Variants in NDRG1 observed in about 807,000 individuals in gnomAD.
NDRG1 encodes the protein protein NDRG1.
Under a neutral mutation model 56.9 loss-of-function variants are expected in NDRG1, and 32 were observed. The ratio of observed to expected loss-of-function variants is 0.56; its 90% CI spans 0.42 to 0.76. NDRG1 has a LOEUF of 0.76. NDRG1 is among the 30% of genes least tolerant of loss of function. The pLI, the probability that NDRG1 is intolerant of heterozygous loss-of-function variation, is 0.00. For synonymous variants in NDRG1, 211 were observed against 204.1 expected (o/e 1.03, Z -0.29); for missense variants, 507 against 545.7 (o/e 0.93, Z 0.71).
At chr8:133,266,810 C>T (rs555652469) in intron 3 of NDRG1, among the ~76,000 whole-genome samples, 13 of 152,166 alleles carry the variant, frequency 8.5e-5, no homozygotes, top group South Asian at 2.1e-4. Context: ...GAAATGGCCC[C>T]GGGGGGCTGC....
chr8:133,282,836 C>T (rs1056384155), intron 2 of NDRG1, among the ~76,000 whole-genome samples: 1 of 152,160 alleles, frequency 6.6e-6, no homozygotes, highest in African/African-American at 2.4e-5. Context: ...GGTTTGCAGA[C>T]CTTAGTGTGG....
intron 14 of NDRG1, among the ~76,000 whole-genome samples, chr8:133,243,044 G>T (rs927603680): frequency 2.0e-5 from 3 of 152,202 alleles, no homozygotes; most frequent in African/African-American, 7.2e-5. Flanking sequence ...CGTGCAAGGC[G>T]TATCTGTTCT....
rs1330525860 is a variant in NDRG1, at chr8:133,239,146, G to C, written c.944-27C>G. 5.8e-6 allele frequency: 9 copies of C among 1,550,450 alleles called. No homozygotes were observed. The East Asian group carries it at 2.0e-4, about 34-fold the overall frequency. On this transcript the variant is annotated intron_variant, in intron 15 of 15. Coordinates refer to ENST00000323851, the MANE Select transcript of NDRG1 (RefSeq NM_006096.4). Reference sequence around the variant, plus strand: ...TAGGGGAACAAGAGACAGCCGGTTAGAGGGCAGGAGACTGCCAGGTGAGGA... The same window carrying C: ...TAGGGGAACAAGAGACAGCCGGTTACAGGGCAGGAGACTGCCAGGTGAGGA...
At chr8:133,265,045 C>T in intron 3 of NDRG1, 1 of 303,920 alleles carries the variant, frequency 3.3e-6, no homozygotes, top group South Asian at 3.2e-5. Flanking sequence ...CTAACATCTG[C>T]TGGCTTGGGG....
At position 133,250,461 on chromosome 8, in the gene NDRG1, A is replaced by G. The variant is rs758628839; in HGVS notation, c.677T>C (p.Leu226Pro). 3 of 1,614,086 alleles carry G rather than the reference A, an allele frequency of 1.9e-6. No homozygotes were observed. In the South Asian group the frequency reaches 3.3e-5, roughly 18 times the overall value. Residue 226 changes from leucine to proline, a missense_variant, in exon 10 of 16, where the codon CTG (leucine) becomes CCG (proline). By Grantham distance (98) the Leu-to-Pro change is moderately conservative (BLOSUM62 -3). Coordinates refer to ENST00000323851, the MANE Select transcript of NDRG1 (RefSeq NM_006096.4). ...VNDMNPGNLH[L>P]FINAYNSRRD... ...ATACCTGTTGTAGGCATTGATGAAC[A>G]GGTGCAGGTTGCCGGGGTTCATGTC...
intron 15 of NDRG1, chr8:133,241,748 G>A: frequency 1.8e-6 from 1 of 552,026 alleles, no homozygotes; most frequent in Middle Eastern, 4.5e-4. Flanking sequence ...CATTGTCTTG[G>A]TGCTTAAAGG....
intron 12 of NDRG1, 52 bp downstream of exon 12, chr8:133,247,823 C>T: frequency 1.3e-6 from 2 of 1,591,138 alleles, no homozygotes; most frequent in South Asian, 2.2e-5. Flanking sequence ...CAAAGTCAAC[C>T]AGACTTTGCC....
chr8:133,247,803 G>T, intron 12 of NDRG1, 72 bp downstream of exon 12: 1 of 1,511,114 alleles, frequency 6.6e-7, no homozygotes, highest in Non-Finnish European at 9.2e-7. Flanking sequence ...GGCAGGCAGG[G>T]CCACTTCAAC....
Position 133,258,446 on chromosome 8 carries a change from T to A in NDRG1, c.390-20A>T. The A allele has an allele frequency of 6.2e-7, 1 of 1,603,360 alleles. No homozygotes were observed. Among genetic ancestry groups the A allele is most frequent in the African/African-American group, 1.3e-5 (1 of 74,938 alleles). On this transcript the variant is annotated intron_variant, in intron 6 of 15. Transcript: ENST00000323851. The stretch of plus-strand genomic sequence containing the variant: ...TTCAGCCTGGAAGCAAAAATACAAA[T>A]GCATGTCACACAAGGACAGAGTGAC...
At chr8:133,264,087 A>T (rs1856790503) in intron 4 of NDRG1, among the ~76,000 whole-genome samples, 1 of 152,216 alleles carries the variant, frequency 6.6e-6, no homozygotes, top group Non-Finnish European at 1.5e-5. Flanking sequence ...ACCAAAAAAA[A>T]ATCACATATT....
chr8:133,244,676 A>G, intron 13 of NDRG1: 1 of 553,990 alleles, frequency 1.8e-6, no homozygotes, highest in South Asian at 2.0e-5. Flanking sequence ...TGGAAGGTAC[A>G]GCTGTCCCAT....
chr8:133,242,577 T>C (rs1199312432), intron 14 of NDRG1, among the ~76,000 whole-genome samples: 1 of 152,152 alleles, frequency 6.6e-6, no homozygotes, highest in Non-Finnish European at 1.5e-5. Context: ...GTGGGTCCTG[T>C]ACATTAACCC....
chr8:133,241,426 T>C (rs1179120072), intron 15 of NDRG1: 1 of 164,350 alleles, frequency 6.1e-6, no homozygotes, highest in Non-Finnish European at 1.3e-5. Flanking sequence ...CCAAAGCTCA[T>C]GACTTGACTA....
chr8:133,279,207 A>T (rs1322353910), intron 3 of NDRG1, among the ~76,000 whole-genome samples: 1 of 152,122 alleles, frequency 6.6e-6, no homozygotes, highest in Non-Finnish European at 1.5e-5. Context: ...TTAAACACTG[A>T]GGTCAGGGTG....
At chr8:133,248,591 G>T in intron 11 of NDRG1, 124 bp downstream of exon 11, 1 of 1,165,088 alleles carries the variant, frequency 8.6e-7, no homozygotes, top group Non-Finnish European at 1.3e-6. Flanking sequence ...TCTCTGGGTG[G>T]AATATATCCA....
rs184929791 is a variant in NDRG1 at position 133,263,619 on chromosome 8, A to G, written c.205+928T>C. On this transcript the variant is annotated intron_variant, in intron 4 of 15. Transcript: ENST00000323851. ...AGTGAAAATGCCCCAAATGCCCATC[A>G]ACTGAAGAATAGATGGCCGGGCCCA... 1.6e-4 allele frequency among the ~76,000 whole-genome samples: 24 copies of G among 152,364 alleles called. No homozygotes were observed. The East Asian group carries it at 4.0e-3, about 26-fold the overall frequency.
chr8:133,289,443 T>C (rs912091785), intron 1 of NDRG1, among the ~76,000 whole-genome samples: 1 of 152,088 alleles, frequency 6.6e-6, no homozygotes, highest in Non-Finnish European at 1.5e-5. Flanking sequence ...GAGGGACACA[T>C]GGAAAATGCT....
intron 3 of NDRG1, among the ~76,000 whole-genome samples, chr8:133,274,382 C>T (rs983095015): frequency 6.6e-6 from 1 of 152,190 alleles, no homozygotes; most frequent in African/African-American, 2.4e-5. Flanking sequence ...AGGAATCTGC[C>T]TGAGTTAGTC....
At chr8:133,296,555 CGGATCCA>C (rs1314032278) in intron 1 of NDRG1, 3 of 455,868 alleles carry the variant, frequency 6.6e-6, no homozygotes, top group African/African-American at 2.0e-5. Context: ...ACCAGCCTCT[CGGATCCA>C]CACCCGTTCC....
Sources: gnomAD v4.1 joint callset for allele counts (sites outside exome capture counted in the v4.1 genomes callset) on GRCh38, gnomAD v4.1.1 for gene constraint, MANE v1.5 for transcripts, NCBI Gene and HGNC (gene_info 2026-07-23, HGNC 2026-07-21) for gene names.